SEM1: variants seen among roughly 807,000 people sequenced by gnomAD.
SEM1 encodes 26S proteasome complex subunit SEM1.
Under a neutral mutation model 12.7 loss-of-function variants are expected in SEM1, and 3 were observed. The observed-to-expected ratio is 0.24, with a 90% CI of 0.11 to 0.61. The LOEUF is 0.61. SEM1 is among the 20% of genes least tolerant of loss of function. The probability of loss-of-function intolerance (pLI) is 0.88; values close to 1 mark genes in which losing one functional copy is unlikely to be tolerated. For missense variants in SEM1, 59 were observed against 81.3 expected, an observed-to-expected ratio of 0.73 and a Z score of 1.06; for synonymous variants, 30 against 27.8, an observed-to-expected ratio of 1.08 and a Z score of -0.25.
At chr7:96,484,984 T>C in intron 2 of SEM1, 1 of 470,260 alleles carries the variant, frequency 2.1e-6, no homozygotes. Flanking sequence ...AAAAAGCATT[T>C]ATTAAGTGCC....
intron 2 of SEM1, among the ~76,000 whole-genome samples, chr7:96,689,282 G>C (rs1326001702): frequency 6.6e-6 from 1 of 152,064 alleles, no homozygotes; most frequent in Non-Finnish European, 1.5e-5. Flanking sequence ...CTATATGAAT[G>C]TTCTGTTCCT....
At chr7:96,484,021 G>A in intron 3 of SEM1, 2 of 1,466,454 alleles carry the variant, frequency 1.4e-6, no homozygotes, top group Non-Finnish European at 1.8e-6. Context: ...CTGTGGGCCA[G>A]GAATCATTTG....
At chr7:96,616,061 T>C (rs147449525) in intron 2 of SEM1, among the ~76,000 whole-genome samples, 1 of 152,216 alleles carries the variant, frequency 6.6e-6, no homozygotes, top group Admixed American at 6.5e-5. Context: ...ATATACCTAG[T>C]AGTGAGACTG....
chr7:96,569,291 A>G (rs974330264), intron 2 of SEM1, among the ~76,000 whole-genome samples: 8 of 152,004 alleles, frequency 5.3e-5, no homozygotes, highest in Admixed American at 5.3e-4. Flanking sequence ...AGATCTTTTG[A>G]AAAGAAAAAC....
At chr7:96,603,535 C>T (rs1437431593) in intron 2 of SEM1, among the ~76,000 whole-genome samples, 1 of 152,136 alleles carries the variant, frequency 6.6e-6, no homozygotes, top group East Asian at 1.9e-4. Flanking sequence ...CCAACCTCCT[C>T]CCTGAGAAAA....
At chr7:96,585,342 G>T (rs568490288) in intron 2 of SEM1, among the ~76,000 whole-genome samples, 1 of 152,176 alleles carries the variant, frequency 6.6e-6, no homozygotes, top group African/African-American at 2.4e-5. Context: ...TCCCAGCTTC[G>T]TGCTGGGAGA....
chr7:96,527,295 G>A (rs1281441075), intron 2 of SEM1, among the ~76,000 whole-genome samples: 2 of 152,104 alleles, frequency 1.3e-5, no homozygotes, highest in Non-Finnish European at 2.9e-5. Context: ...TTCTGAGACT[G>A]ATGTAAAAGT....
chr7:96,573,404 CCGG>C (rs1278761812), intron 2 of SEM1, among the ~76,000 whole-genome samples: 1 of 152,082 alleles, frequency 6.6e-6, no homozygotes, highest in Non-Finnish European at 1.5e-5. Context: ...GTGGCTGGTA[CCGG>C]TTGTTCCTTT....
chr7:96,654,109 T>C (rs1809095164), intron 2 of SEM1, among the ~76,000 whole-genome samples: 1 of 152,206 alleles, frequency 6.6e-6, no homozygotes, highest in South Asian at 2.1e-4. Flanking sequence ...ATATTTGTAA[T>C]GGAGGGCACA....
At chr7:96,585,140 G>C (rs1334098678) in intron 2 of SEM1, among the ~76,000 whole-genome samples, 1 of 152,180 alleles carries the variant, frequency 6.6e-6, no homozygotes, top group Non-Finnish European at 1.5e-5. Context: ...GTACAGATGG[G>C]TTTTTTGGTG....
chr7:96,563,735 G>T (rs1407528327), intron 2 of SEM1, among the ~76,000 whole-genome samples: 1 of 152,020 alleles, frequency 6.6e-6, no homozygotes. Flanking sequence ...AATAGATATA[G>T]AATGTTTAAC....
intron 2 of SEM1, among the ~76,000 whole-genome samples, chr7:96,653,491 T>G (rs1809068710): frequency 6.6e-6 from 1 of 152,012 alleles, no homozygotes; most frequent in African/African-American, 2.4e-5. Context: ...CTAAGGGTGG[T>G]AAGAGAGGTG....
At chr7:96,637,150 G>A (rs1455772673) in intron 2 of SEM1, 1 of 152,008 alleles carries the variant, frequency 6.6e-6, no homozygotes, top group African/African-American at 2.4e-5. Context: ...GGGTATATAT[G>A]ACTGCGTTGC....
At chr7:96,705,556 G>A (rs543597351) in intron 1 of SEM1, among the ~76,000 whole-genome samples, 27 of 152,160 alleles carry the variant, frequency 1.8e-4, no homozygotes, top group East Asian at 7.7e-4. Context: ...GGCTGGGCGC[G>A]GTGGCTCATG....
At chr7:96,584,929 C>T (rs1445884666) in intron 2 of SEM1, among the ~76,000 whole-genome samples, 2 of 150,892 alleles carry the variant, frequency 1.3e-5, no homozygotes, top group South Asian at 4.2e-4. Context: ...TCCTGTAGCT[C>T]GGAGTAATTT....
At chr7:96,693,910 G>A (rs1246008606) in intron 2 of SEM1, among the ~76,000 whole-genome samples, 1 of 151,760 alleles carries the variant, frequency 6.6e-6, no homozygotes, top group Non-Finnish European at 1.5e-5. Flanking sequence ...CAGTCTGAAT[G>A]TCCATCAACT....
intron 1 of SEM1, among the ~76,000 whole-genome samples, chr7:96,703,054 C>G (rs1790319107): frequency 6.6e-6 from 1 of 152,200 alleles, no homozygotes; most frequent in Admixed American, 6.5e-5. Context: ...TGGGAGAAAG[C>G]TGAAAGTGAT....
intron 2 of SEM1, among the ~76,000 whole-genome samples, chr7:96,693,760 T>TTGTGTGTGTGTGTGTG (rs566641071): frequency 0.012 from 1,610 of 139,366 alleles, 13 homozygotes; most frequent in East Asian, 0.041. Context: ...ACAATTCCAC[T>TTGTGTGTGTGTGTGTG]TGTGTGTGTG....
At chr7:96,641,864 T>C (rs936567066) in intron 2 of SEM1, among the ~76,000 whole-genome samples, 5 of 151,996 alleles carry the variant, frequency 3.3e-5, no homozygotes, top group Admixed American at 1.3e-4. Context: ...TTTGAAGATT[T>C]TTTTTCCAAA....
Sources: gnomAD v4.1 joint callset for allele counts (sites outside exome capture counted in the v4.1 genomes callset) on GRCh38, gnomAD v4.1.1 for gene constraint, MANE v1.5 for transcripts, NCBI Gene and HGNC (gene_info 2026-07-23, HGNC 2026-07-21) for gene names.